Variants in SOCS4 observed in about 807,000 individuals in gnomAD.
The protein encoded by SOCS4 is SH2 domain containing SOCS box protein.
SOCS4 carries 20 observed loss-of-function variants against 34.1 expected under a neutral mutation model. The ratio of observed to expected loss-of-function variants is 0.59; its 90% CI spans 0.41 to 0.85. The LOEUF (loss-of-function observed/expected upper bound fraction) is 0.85, where lower values mean the gene tolerates loss of function less well. Ranked by LOEUF, SOCS4 falls within the 40% of genes least tolerant of loss-of-function variation. The pLI is 0.00. For missense variants in SOCS4, 479 were observed against 532.4 expected (o/e 0.90, Z 0.99); for synonymous variants, 180 against 186.4 (o/e 0.97, Z 0.28).
At position 55,043,049 on chromosome 14, in the gene SOCS4, A is replaced by G. The variant is rs116132013; in HGVS notation, c.8A>G (p.Glu3Gly). Residue 3 changes from glutamate (E) to glycine (G), a missense_variant, in exon 3 of 3, where the codon GAA (glutamate) becomes GGA (glycine). Transcript: ENST00000555846. MAENNENISKNVD... is the reference protein window; with the variant it reads MAGNNENISKNVD... Reference sequence around the variant, plus strand: ...TCTGGATAATTTGTTAACATGGCAGAAAATAATGAAAATATTAGTAAAAAT... The same window carrying G: ...TCTGGATAATTTGTTAACATGGCAGGAAATAATGAAAATATTAGTAAAAAT... The G allele has an allele frequency of 6.2e-7, 1 of 1,600,364 alleles. No individual in the cohort carries two copies. Among genetic ancestry groups the G allele is most frequent in the African/African-American group, 1.3e-5 (1 of 74,100 alleles).
At chr14:55,039,474 G>A (rs1028704867) in intron 2 of SOCS4, among the ~76,000 whole-genome samples, 23 of 152,098 alleles carry the variant, frequency 1.5e-4, no homozygotes, top group East Asian at 1.4e-3. Context: ...GAACAGTTAC[G>A]ACCAAGAAAG....
At position 55,044,315 on chromosome 14, in the gene SOCS4, A is replaced by C. The variant is rs772556914; in HGVS notation, c.1274A>C (p.Lys425Thr). 2 of 1,613,618 alleles carry C rather than the reference A, an allele frequency of 1.2e-6. No individual in the cohort carries two copies. The change falls in exon 3 of 3, where the codon AAA (lysine) becomes ACA (threonine). Residue 425 changes from lysine (K) to threonine (T), a missense_variant. Transcript: ENST00000555846. ...TTATATCTGAAGGAATATCATTATA[A>C]ATCAAAAGTTAGAGTACTCAGGATT... ...MKLYLKEYHY[K>T]SKVRVLRIDA...
At chr14:55,035,197 A>C (rs1227021296) in intron 2 of SOCS4, among the ~76,000 whole-genome samples, 1 of 152,182 alleles carries the variant, frequency 6.6e-6, no homozygotes, top group Non-Finnish European at 1.5e-5. Context: ...ACGTGTGGAA[A>C]ACTCAACTAG....
chr14:55,040,466 CG>C (rs2042607511), intron 2 of SOCS4, among the ~76,000 whole-genome samples: 1 of 152,100 alleles, frequency 6.6e-6, no homozygotes, highest in African/African-American at 2.4e-5. Context: ...TATTATAGGC[CG>C]GGCGCACTGG....
chr14:55,032,772 T>C (rs2140242860), intron 2 of SOCS4, among the ~76,000 whole-genome samples: 2 of 40,134 alleles, frequency 5.0e-5, no homozygotes, highest in South Asian at 1.2e-3. Flanking sequence ...CTTATTATTA[T>C]TCTACCTCAT....
intron 2 of SOCS4, among the ~76,000 whole-genome samples, chr14:55,036,384 C>A (rs2042572553): frequency 6.6e-6 from 1 of 151,610 alleles, no homozygotes; most frequent in South Asian, 2.1e-4. Flanking sequence ...ACTCTTGTCC[C>A]TCAGGGTGGA....
intron 2 of SOCS4, among the ~76,000 whole-genome samples, chr14:55,041,088 A>G (rs2042614460): frequency 6.6e-6 from 1 of 152,046 alleles, no homozygotes; most frequent in African/African-American, 2.4e-5. Context: ...GGGTTTTGCC[A>G]TGTTGCCCAG....
In SOCS4 at chr14:55,044,477, T is replaced by C; in HGVS notation, c.*113T>C. ...AAAGGCAGTGGTGTCCAAAATAAAA[T>C]CTCTGCCCTAAATTTTACTAATAAA... On this transcript the variant is annotated 3_prime_UTR_variant, in exon 3 of 3. Transcript: ENST00000555846. The C allele has an allele frequency of 1.3e-6, 1 of 769,248 alleles. No homozygotes were observed. The highest frequency in any genetic ancestry group is 3.9e-5 in the Admixed American group (1 of 25,428). 47.7% of individuals were successfully genotyped at this position (769,248 alleles called of 1,614,324 possible). A position where few individuals can be genotyped will look rare whatever the true frequency, so the allele number is the denominator to read the frequency against.
chr14:55,044,220 C>G lies in SOCS4; in HGVS notation c.1179C>G (p.Cys393Trp). 1 of 1,614,008 alleles carries G rather than the reference C, an allele frequency of 6.2e-7. No individual in the cohort carries two copies. The highest frequency in any genetic ancestry group is 8.5e-7 in the Non-Finnish European group (1 of 1,179,928). Residue 393 changes from cysteine (C) to tryptophan (W), a missense_variant, in exon 3 of 3, where the codon TGC (cysteine) becomes TGG (tryptophan). Cys to Trp is a radical substitution (Grantham distance 215). Transcript: ENST00000555846. The part of the protein sequence containing the change: ...RTFPFSLQHI[C>W]RTVICNCTTY... ...TCCCTTTTTCCCTGCAGCATATATG[C>G]AGAACAGTTATTTGTAACTGTACAA...
intron 2 of SOCS4, among the ~76,000 whole-genome samples, chr14:55,035,771 T>C (rs1364790250): frequency 6.6e-6 from 1 of 152,166 alleles, no homozygotes; most frequent in Non-Finnish European, 1.5e-5. Flanking sequence ...CCATTTTACA[T>C]GTGAATGCAC....
At position 55,046,094 on chromosome 14, in the gene SOCS4, C is replaced by T. The variant is rs541740394; in HGVS notation, c.*1730C>T. ...CAATGAGATGTAGCTACAAAAATGG[C>T]ACCTCTTAGCAGTGATGAGGCTCAG... On this transcript the variant is annotated 3_prime_UTR_variant, in exon 3 of 3. Coordinates refer to ENST00000555846, the MANE Select transcript of SOCS4 (RefSeq NM_199421.2). The T allele has an allele frequency of 6.0e-6, 1 of 165,944 alleles. No homozygotes were observed. The highest frequency in any genetic ancestry group is 6.5e-5 in the Admixed American group (1 of 15,280). 10.3% of individuals were successfully genotyped at this position (165,944 alleles called of 1,614,324 possible).
chr14:55,035,882 A>G (rs1191257050), intron 2 of SOCS4, among the ~76,000 whole-genome samples: 1 of 151,106 alleles, frequency 6.6e-6, no homozygotes, highest in African/African-American at 2.4e-5. Flanking sequence ...AAAATTGGCC[A>G]TTTCCAAGAA....
chr14:55,042,963 A>G lies in SOCS4; in HGVS notation c.-79A>G. The G allele has an allele frequency of 3.0e-6, 4 of 1,328,642 alleles. No individual in the cohort carries two copies. The South Asian group carries it at 5.8e-5, about 19-fold the overall frequency. 82.3% of individuals were successfully genotyped at this position (1,328,642 alleles called of 1,614,324 possible). A position where few individuals can be genotyped will look rare whatever the true frequency, so the allele number is the denominator to read the frequency against. ...TTTGTTTTCTTTAGATACATCCAGA[A>G]AGTGCCCAGAAGAAACTTCCTGCTG... On this transcript the variant is annotated 5_prime_UTR_variant, in exon 3 of 3. Transcript: ENST00000555846.
chr14:55,034,914 G>T (rs1205402055), intron 2 of SOCS4, among the ~76,000 whole-genome samples: 1 of 149,144 alleles, frequency 6.7e-6, no homozygotes, highest in Non-Finnish European at 1.5e-5. Flanking sequence ...AGGCTGGAGT[G>T]CAATGGTGCA....
intron 2 of SOCS4, among the ~76,000 whole-genome samples, chr14:55,034,272 T>C (rs1433501168): frequency 1.3e-5 from 2 of 152,216 alleles, no homozygotes; most frequent in Non-Finnish European, 2.9e-5. Flanking sequence ...CATCTGACAA[T>C]GCATGATGGT....
In SOCS4 at chr14:55,048,879, A is replaced by G; in HGVS notation, c.*4515A>G. 1 of 167,200 alleles carries G rather than the reference A, an allele frequency of 6.0e-6. No individual in the cohort carries two copies. The allele number at this position is 167,200 out of a possible 1,614,324, so 10.4% of individuals were successfully genotyped here. On this transcript the variant is annotated 3_prime_UTR_variant, in exon 3 of 3. Transcript: ENST00000555846. ...GCGTACTTTAAAATAATTGCTGTAC[A>G]GCCATTGAGTACTAACATGATGATA... is the stretch of plus-strand genomic sequence containing the variant.
rs1255878500 is a variant in SOCS4, at chr14:55,045,324, TAGC to T, written c.*964_*966del. ...ACTTTGGGGAAATTCCACAATGTAT[TAGC>T]AGCCACAAATTTCCACTGGTAACCA... On this transcript the variant is annotated 3_prime_UTR_variant, in exon 3 of 3. Coordinates refer to ENST00000555846, the MANE Select transcript of SOCS4 (RefSeq NM_199421.2). 6.0e-6 allele frequency: 1 copy of T among 167,014 alleles called. No individual in the cohort carries two copies. The highest frequency in any genetic ancestry group is 2.4e-5 in the African/African-American group (1 of 41,458). The allele number at this position is 167,014 out of a possible 1,614,324, so 10.3% of individuals were successfully genotyped here. A position where few individuals can be genotyped will look rare whatever the true frequency, so the allele number is the denominator to read the frequency against.
chr14:55,032,461 G>C (rs2042536375), intron 2 of SOCS4, among the ~76,000 whole-genome samples: 1 of 151,676 alleles, frequency 6.6e-6, no homozygotes, highest in African/African-American at 2.4e-5. Context: ...CTGGGTACTT[G>C]TTTTCTTGAG....
chr14:55,035,472 C>T (rs1248541711), intron 2 of SOCS4, among the ~76,000 whole-genome samples: 4 of 152,120 alleles, frequency 2.6e-5, no homozygotes, highest in Non-Finnish European at 5.9e-5. Context: ...AGTTTTCCTC[C>T]TGAAAATTAT....
Sources: allele counts gnomAD v4.1 joint callset (sites outside exome capture counted in the v4.1 genomes callset), GRCh38; gene constraint gnomAD v4.1.1; transcripts MANE v1.5; gene names NCBI Gene and HGNC (gene_info 2026-07-23, HGNC 2026-07-21).